The following RYR2 variants were observed in gnomAD, a reference collection of about 807,000 sequenced individuals.
RYR2 encodes the protein cardiac muscle ryanodine receptor-calcium release channel.
Under a neutral mutation model 601.1 loss-of-function variants are expected in RYR2, and 227 were observed. That is an observed-to-expected ratio of 0.38 (90% confidence interval 0.34 to 0.42). The LOEUF (loss-of-function observed/expected upper bound fraction) is 0.42, where lower values mean the gene tolerates loss of function less well. Ranked by LOEUF, RYR2 falls within the 10% of genes least tolerant of loss-of-function variation. The pLI is 1.00. For synonymous variants in RYR2, 2,223 were observed against 2,175.1 expected, an observed-to-expected ratio of 1.02 and a Z score of -0.61; for missense variants, 4,646 against 6,156.5, an observed-to-expected ratio of 0.75 and a Z score of 8.21.
At chr1:237,116,398 C>T (rs1206950626) in intron 1 of RYR2, among the ~76,000 whole-genome samples, 1 of 152,136 alleles carries the variant, frequency 6.6e-6, no homozygotes, top group Non-Finnish European at 1.5e-5. Context: ...CCAGGATGTT[C>T]TCGTCTCATG....
chr1:237,808,470 GACAA>G (rs1248748823), intron 99 of RYR2, among the ~76,000 whole-genome samples: 1 of 151,930 alleles, frequency 6.6e-6, no homozygotes, highest in Non-Finnish European at 1.5e-5. Flanking sequence ...AGACCAGCCT[GACAA>G]ACATGGAGAA....
chr1:237,510,133 C>A (rs777709974), intron 23 of RYR2, among the ~76,000 whole-genome samples: 7 of 152,160 alleles, frequency 4.6e-5, no homozygotes, highest in Non-Finnish European at 1.0e-4. Context: ...TGTGGAAAAG[C>A]AGAGAGCCTG....
At chr1:237,706,846 G>A in intron 67 of RYR2, 103 bp from the exon 68 acceptor site, 1 of 948,796 alleles carries the variant, frequency 1.1e-6, no homozygotes, top group Non-Finnish European at 1.6e-6. Flanking sequence ...GCCACGTCTT[G>A]CTAAATTTTG....
At chr1:237,252,091 A>T (rs1687521055) in intron 1 of RYR2, among the ~76,000 whole-genome samples, 1 of 151,276 alleles carries the variant, frequency 6.6e-6, no homozygotes, top group African/African-American at 2.4e-5. Flanking sequence ...TGGCTTCCTG[A>T]GTGGTTCTTT....
At chr1:237,753,039 G>A (rs895245131) in intron 80 of RYR2, among the ~76,000 whole-genome samples, 5 of 152,176 alleles carry the variant, frequency 3.3e-5, no homozygotes, top group African/African-American at 1.2e-4. Context: ...ATGCACAGAT[G>A]ATAGATTTGG....
chr1:237,539,990 A>G (rs1669078428), intron 25 of RYR2, among the ~76,000 whole-genome samples: 1 of 152,156 alleles, frequency 6.6e-6, no homozygotes, highest in Non-Finnish European at 1.5e-5. Context: ...AATTTTGAAG[A>G]ATGGATGATT....
chr1:237,085,710 G>C (rs1666251629), intron 1 of RYR2, among the ~76,000 whole-genome samples: 1 of 152,196 alleles, frequency 6.6e-6, no homozygotes, highest in Admixed American at 6.5e-5. Flanking sequence ...GGGGAGAAGA[G>C]AGCTATTCAG....
chr1:237,628,076 T>G lies in RYR2; in HGVS notation c.6436T>G (p.Leu2146Val), dbSNP rs746036590. ...AGAAGAGAAGCTCATGATTCGTGGA[T>G]TAGGGTAAATTATTTAACTACTACA... is the stretch of plus-strand genomic sequence containing the variant. ...KEEEKLMIRGLGDIMNNKVFY... is the reference protein window; with the variant it reads ...KEEEKLMIRGVGDIMNNKVFY... The change falls in exon 41 of 105, where the codon TTA becomes GTA. Residue 2146 changes from leucine to valine, a missense_variant. Transcript: ENST00000366574. 6.2e-7 allele frequency: 1 copy of G among 1,613,160 alleles called. No homozygotes were observed. Among genetic ancestry groups the G allele is most frequent in the Non-Finnish European group, 8.5e-7 (1 of 1,179,370 alleles).
chr1:237,247,005 G>A (rs990334399), intron 1 of RYR2, among the ~76,000 whole-genome samples: 10 of 152,170 alleles, frequency 6.6e-5, no homozygotes, highest in African/African-American at 1.7e-4. Context: ...ATTATTTTGC[G>A]AGTGGCTATT....
At chr1:237,640,870 C>T in intron 46 of RYR2, 27 bp from the exon 47 acceptor site, 1 of 1,585,132 alleles carries the variant, frequency 6.3e-7, no homozygotes, top group South Asian at 1.1e-5. Flanking sequence ...CATTTGCTTT[C>T]TCTTTCTTTT....
intron 2 of RYR2, among the ~76,000 whole-genome samples, chr1:237,293,071 C>G (rs1266355896): frequency 6.6e-6 from 1 of 152,096 alleles, no homozygotes; most frequent in Non-Finnish European, 1.5e-5. Flanking sequence ...TATCTCCACA[C>G]ACCAAGCAAT....
At chr1:237,648,331 G>A (rs2148788697) in intron 48 of RYR2, 113 bp from the exon 49 acceptor site, 1 of 948,202 alleles carries the variant, frequency 1.1e-6, no homozygotes, top group Non-Finnish European at 1.5e-6. Flanking sequence ...AGAACAGAAA[G>A]CCATTTCATT....
intron 2 of RYR2, among the ~76,000 whole-genome samples, chr1:237,315,253 C>G (rs1325625206): frequency 6.6e-6 from 1 of 152,058 alleles, no homozygotes; most frequent in East Asian, 1.9e-4. Flanking sequence ...AGGCTGCACT[C>G]TGAAATAATG....
intron 1 of RYR2, among the ~76,000 whole-genome samples, chr1:237,166,147 G>A (rs1202289021): frequency 6.6e-6 from 1 of 152,124 alleles, no homozygotes; most frequent in Non-Finnish European, 1.5e-5. Context: ...TGTGTTTCTG[G>A]GGGCTGGTTC....
intron 102 of RYR2, among the ~76,000 whole-genome samples, chr1:237,828,838 C>T (rs1360369020): frequency 2.0e-5 from 3 of 152,056 alleles, no homozygotes; most frequent in African/African-American, 4.8e-5. Flanking sequence ...CAGGGAATTT[C>T]CTAGAAGAAG....
intron 80 of RYR2, among the ~76,000 whole-genome samples, chr1:237,752,618 AG>A (rs978175416): frequency 9.9e-5 from 15 of 152,260 alleles, no homozygotes; most frequent in African/African-American, 3.1e-4. Context: ...GAAGTAGATA[AG>A]TTGTCTCTTA....
intron 2 of RYR2, among the ~76,000 whole-genome samples, chr1:237,279,714 C>T (rs1393972764): frequency 3.9e-5 from 6 of 152,152 alleles, no homozygotes; most frequent in Non-Finnish European, 8.8e-5. Context: ...GCAGATGTGA[C>T]AATTGAATCA....
At chr1:237,823,550 A>G (rs963919237) in intron 101 of RYR2, among the ~76,000 whole-genome samples, 1 of 152,232 alleles carries the variant, frequency 6.6e-6, no homozygotes, top group Non-Finnish European at 1.5e-5. Flanking sequence ...GGAAACTTAT[A>G]GCACTAAATG....
chr1:237,341,673 G>T, intron 3 of RYR2: 1 of 515,374 alleles, frequency 1.9e-6, no homozygotes, highest in Non-Finnish European at 3.9e-6. Context: ...TGACTGGAGG[G>T]ACTGCAAGAT....
Sources: allele counts gnomAD v4.1 joint callset (sites outside exome capture counted in the v4.1 genomes callset), GRCh38; gene constraint gnomAD v4.1.1; transcripts MANE v1.5; gene names NCBI Gene and HGNC (gene_info 2026-07-23, HGNC 2026-07-21).